Variants in CDC42BPA observed in about 807,000 individuals in gnomAD.
The protein encoded by CDC42BPA is CDC42 binding protein kinase alpha.
In CDC42BPA, 80 loss-of-function variants were observed where a neutral mutation model predicts 223.5. That is an observed-to-expected ratio of 0.36 (90% CI 0.30 to 0.43). CDC42BPA has a LOEUF of 0.43. CDC42BPA is among the 20% of genes least tolerant of loss of function. The pLI, the probability that CDC42BPA is intolerant of heterozygous loss-of-function variation, is 1.00. For synonymous variants in CDC42BPA, 694 were observed against 718.6 expected, an observed-to-expected ratio of 0.97 and a Z score of 0.55; for missense variants, 1,743 against 2,099.9, an observed-to-expected ratio of 0.83 and a Z score of 3.32.
At chr1:227,297,211 A>C (rs1690797932) in intron 1 of CDC42BPA, among the ~76,000 whole-genome samples, 2 of 152,194 alleles carry the variant, frequency 1.3e-5, no homozygotes, top group Admixed American at 1.3e-4. Flanking sequence ...ATTATTAAGG[A>C]AGTAGATCAA....
At chr1:227,146,178 A>G (rs1456084781) in intron 7 of CDC42BPA, among the ~76,000 whole-genome samples, 1 of 152,134 alleles carries the variant, frequency 6.6e-6, no homozygotes, top group Non-Finnish European at 1.5e-5. Context: ...AACCCTCAAA[A>G]CAGTCATTTT....
At chr1:227,291,392 T>C (rs1003638961) in intron 1 of CDC42BPA, among the ~76,000 whole-genome samples, 2 of 151,828 alleles carry the variant, frequency 1.3e-5, no homozygotes, top group African/African-American at 2.4e-5. Flanking sequence ...CTACTAAAAA[T>C]ACAAAAATTA....
intron 32 of CDC42BPA, among the ~76,000 whole-genome samples, chr1:227,017,894 AAGG>A (rs1666604551): frequency 6.6e-6 from 1 of 152,100 alleles, no homozygotes; most frequent in African/African-American, 2.4e-5. Context: ...CTGAAGTGAG[AAGG>A]AGGAGGTGAG....
chr1:227,295,466 A>T (rs569074786), intron 1 of CDC42BPA, among the ~76,000 whole-genome samples: 21 of 73,178 alleles, frequency 2.9e-4, no homozygotes, highest in South Asian at 2.7e-3. Context: ...GCATGAAATT[A>T]AAAAAAATTT....
chr1:227,185,764 T>A (rs901379023), intron 5 of CDC42BPA, among the ~76,000 whole-genome samples: 37 of 147,376 alleles, frequency 2.5e-4, no homozygotes, highest in African/African-American at 9.3e-4. Context: ...GTTTTTTTTC[T>A]AATTCAACTT....
chr1:226,997,816 C>A (rs1661951618), intron 35 of CDC42BPA, among the ~76,000 whole-genome samples: 1 of 152,104 alleles, frequency 6.6e-6, no homozygotes. Context: ...GTCTGAGAGA[C>A]TTATAATTTC....
rs906715772 is a variant in CDC42BPA, at chr1:227,073,936, G to A, written c.2663C>T (p.Ala888Val). ...GATGGCCTGTTTGGCTCTTATTTCT[G>A]CATCCAGAGCCGACTGCAACTCCAG... ...ARLELQSALD[A>V]EIRAKQAIQE... Residue 888 changes from alanine (A) to valine (V), a missense_variant, in exon 19 of 37, where the codon GCA (alanine) becomes GTA (valine). By Grantham distance (64) the Ala-to-Val change is moderately conservative. Transcript: ENST00000366766. The A allele has an allele frequency of 1.2e-6, 2 of 1,610,666 alleles. No individual in the cohort carries two copies. Among genetic ancestry groups the A allele is most frequent in the Non-Finnish European group, 8.5e-7 (1 of 1,179,042 alleles).
At chr1:227,145,131 T>C (rs917784894) in intron 8 of CDC42BPA, among the ~76,000 whole-genome samples, 1 of 152,206 alleles carries the variant, frequency 6.6e-6, no homozygotes, top group Non-Finnish European at 1.5e-5. Context: ...ATTTTGATAA[T>C]TTTGTCCAGT....
intron 5 of CDC42BPA, among the ~76,000 whole-genome samples, chr1:227,182,001 A>C (rs1364745784): frequency 6.6e-6 from 1 of 152,198 alleles, no homozygotes; most frequent in Admixed American, 6.5e-5. Flanking sequence ...TAAGACATTA[A>C]TGTAATTAAA....
intron 21 of CDC42BPA, among the ~76,000 whole-genome samples, chr1:227,058,666 C>T (rs530857102): frequency 4.1e-4 from 63 of 152,110 alleles, no homozygotes; most frequent in Admixed American, 1.5e-3. Flanking sequence ...TCTTGTAGCA[C>T]AGAGGTAGTG....
chr1:227,128,991 C>G, intron 11 of CDC42BPA, 118 bp downstream of exon 11: 1 of 711,422 alleles, frequency 1.4e-6, no homozygotes, highest in East Asian at 2.6e-5. Flanking sequence ...CCTTCCCTGA[C>G]TAGCATGCAA....
rs373415543 is a variant in CDC42BPA at position 227,152,638 on chromosome 1, C to T, written c.694-5079G>A. ...AAAGAAGAAAACAAACTCAAGCATA[C>T]ATGCAAAGAAACAAGCAAAACCAAT... is the stretch of plus-strand genomic sequence containing the variant. On this transcript the variant is annotated intron_variant, in intron 6 of 36. Coordinates refer to ENST00000366766, the MANE Select transcript of CDC42BPA (RefSeq NM_001394014.1). 2.5e-4 allele frequency among the ~76,000 whole-genome samples: 38 copies of T among 152,238 alleles called. 1 individual carries two copies. The East Asian group carries it at 7.1e-3, about 29-fold the overall frequency.
intron 5 of CDC42BPA, among the ~76,000 whole-genome samples, chr1:227,191,345 C>CAAAAAAAAAAAAAAAA (rs71281008): frequency 1.5e-5 from 2 of 136,232 alleles, no homozygotes; most frequent in Non-Finnish European, 1.6e-5. Flanking sequence ...AACTCTGTCT[C>CAAAAAAAAAAAAAAAA]AAAAAAAAGA....
rs553105011 is a variant in CDC42BPA, at chr1:227,121,987, G to A, written c.1514-2050C>T. Among the ~76,000 whole-genome samples the A allele has an allele frequency of 2.0e-5, 3 of 152,052 alleles. No individual in the cohort carries two copies. The East Asian group carries it at 5.8e-4, about 29-fold the overall frequency. On this transcript the variant is annotated intron_variant, in intron 11 of 36. Coordinates refer to ENST00000366766, the MANE Select transcript of CDC42BPA (RefSeq NM_001394014.1). ...GGCTAATTCTTGTATTTTTAGTAGAGATGGGGTTTCACCATGTTGACCAGG... is the reference window on the plus strand; with the variant it reads ...GGCTAATTCTTGTATTTTTAGTAGAAATGGGGTTTCACCATGTTGACCAGG...
At chr1:227,225,970 C>T (rs1371803385) in intron 2 of CDC42BPA, among the ~76,000 whole-genome samples, 1 of 152,158 alleles carries the variant, frequency 6.6e-6, no homozygotes, top group Non-Finnish European at 1.5e-5. Context: ...GTTCAAGTTA[C>T]GAGTATGTGG....
chr1:227,019,191 G>GT (rs1666898624), intron 32 of CDC42BPA, among the ~76,000 whole-genome samples: 1 of 151,972 alleles, frequency 6.6e-6, no homozygotes. Context: ...ATATTTTCTT[G>GT]TTTTTTCAAC....
At chr1:227,215,441 G>C (rs1674659477) in intron 2 of CDC42BPA, among the ~76,000 whole-genome samples, 2 of 152,068 alleles carry the variant, frequency 1.3e-5, no homozygotes. Flanking sequence ...TTGTGGTAAA[G>C]ATTTGAAAAA....
intron 16 of CDC42BPA, among the ~76,000 whole-genome samples, chr1:227,088,385 A>G (rs1411636340): frequency 6.6e-6 from 1 of 152,220 alleles, no homozygotes; most frequent in African/African-American, 2.4e-5. Flanking sequence ...TAAGAAGACT[A>G]CATAGGAATA....
chr1:227,154,570 A>G (rs1251863002), intron 6 of CDC42BPA, among the ~76,000 whole-genome samples: 1 of 152,058 alleles, frequency 6.6e-6, no homozygotes, highest in Non-Finnish European at 1.5e-5. Flanking sequence ...CCTAAAGAAG[A>G]GCAACACACT....
Sources: gnomAD v4.1 joint callset for allele counts (sites outside exome capture counted in the v4.1 genomes callset) on GRCh38, gnomAD v4.1.1 for gene constraint, MANE v1.5 for transcripts, NCBI Gene and HGNC (gene_info 2026-07-23, HGNC 2026-07-21) for gene names.